MTHFD1L: variants seen among roughly 807,000 people sequenced by gnomAD.
MTHFD1L encodes the protein methylenetetrahydrofolate dehydrogenase (NADP+ dependent) 1 like.
A neutral mutation model predicts 119.5 loss-of-function variants in MTHFD1L; 81 were observed. The observed-to-expected ratio is 0.68, with a 90% CI of 0.57 to 0.82. The LOEUF (loss-of-function observed/expected upper bound fraction) is 0.82. MTHFD1L is among the 40% of genes least tolerant of loss of function. The pLI is 0.00. For synonymous variants in MTHFD1L, 430 were observed against 475.2 expected (o/e 0.90, Z 1.24); for missense variants, 1,125 against 1,253.4 (o/e 0.90, Z 1.55).
chr6:151,034,958 G>A (rs1397632156), intron 25 of MTHFD1L, among the ~76,000 whole-genome samples: 1 of 148,648 alleles, frequency 6.7e-6, no homozygotes, highest in Non-Finnish European at 1.5e-5. Flanking sequence ...GAATTGCAAT[G>A]CTTCCTCTTC....
intron 15 of MTHFD1L, among the ~76,000 whole-genome samples, chr6:150,947,316 A>T (rs1043198310): frequency 5.9e-5 from 9 of 151,366 alleles, no homozygotes; most frequent in African/African-American, 2.2e-4. Flanking sequence ...GCTGGTCTCG[A>T]ACTCCTGACC....
At chr6:150,964,328 C>T (rs1246106330) in intron 18 of MTHFD1L, among the ~76,000 whole-genome samples, 1 of 152,174 alleles carries the variant, frequency 6.6e-6, no homozygotes, top group Non-Finnish European at 1.5e-5. Flanking sequence ...TTAGAAGGAA[C>T]TCAACCCAGT....
intron 10 of MTHFD1L, 90 bp downstream of exon 10, chr6:150,922,392 C>T: frequency 1.0e-6 from 1 of 965,920 alleles, no homozygotes; most frequent in Non-Finnish European, 1.6e-6. Context: ...ACTCATGGTA[C>T]TGTGGTTTTG....
At chr6:150,900,526 C>T (rs1347396588) in intron 7 of MTHFD1L, among the ~76,000 whole-genome samples, 2 of 152,188 alleles carry the variant, frequency 1.3e-5, no homozygotes, top group Non-Finnish European at 2.9e-5. Context: ...TCCGCATGCT[C>T]CCAGGCCATT....
intron 26 of MTHFD1L, among the ~76,000 whole-genome samples, chr6:151,062,755 TG>T (rs1429564340): frequency 1.3e-5 from 2 of 152,192 alleles, no homozygotes; most frequent in Non-Finnish European, 2.9e-5. Flanking sequence ...ATGAAGTTGC[TG>T]CTACACATTT....
intron 20 of MTHFD1L, among the ~76,000 whole-genome samples, chr6:150,979,986 A>T (rs910265667): frequency 1.3e-5 from 2 of 152,180 alleles, no homozygotes; most frequent in African/African-American, 4.8e-5. Flanking sequence ...TTAAAAAAAA[A>T]AAAAAATCTG....
intron 8 of MTHFD1L, among the ~76,000 whole-genome samples, 169 bp from the exon 9 acceptor site, chr6:150,918,404 TGGAG>T (rs918099757): frequency 6.6e-6 from 1 of 152,186 alleles, no homozygotes; most frequent in African/African-American, 2.4e-5. Context: ...GCAGGCCCAA[TGGAG>T]GGCCCCAAGC....
At chr6:151,091,112 C>CAGCA (rs1340707841) in intron 26 of MTHFD1L, among the ~76,000 whole-genome samples, 3 of 147,556 alleles carry the variant, frequency 2.0e-5, no homozygotes, top group African/African-American at 7.9e-5. Context: ...CGACTGGGTA[C>CAGCA]AGCATCGTTC....
At chr6:151,071,838 T>TG (rs11435092) in intron 26 of MTHFD1L, among the ~76,000 whole-genome samples, 1 of 10,052 alleles carries the variant, frequency 9.9e-5, no homozygotes, top group African/African-American at 1.5e-4. Context: ...TAAGTACAGA[T>TG]TTTTTTTTTT....
intron 4 of MTHFD1L, among the ~76,000 whole-genome samples, chr6:150,880,091 A>G (rs1781158627): frequency 6.6e-6 from 1 of 152,090 alleles, no homozygotes; most frequent in Non-Finnish European, 1.5e-5. Flanking sequence ...AACGTTTATC[A>G]TTTCTTTGTG....
chr6:150,916,948 A>G (rs951841200), intron 8 of MTHFD1L, among the ~76,000 whole-genome samples: 5 of 150,344 alleles, frequency 3.3e-5, no homozygotes, highest in African/African-American at 1.2e-4. Context: ...TTTAGTAGAG[A>G]TGGGGTTTCT....
chr6:150,928,377 G>A (rs371535957), intron 11 of MTHFD1L, among the ~76,000 whole-genome samples: 5 of 148,790 alleles, frequency 3.4e-5, no homozygotes, highest in East Asian at 2.0e-4. Context: ...CGGAGCTTGC[G>A]GTGAGCCAAG....
Position 150,979,743 on chromosome 6 carries a change from A to G in MTHFD1L, c.2125+7685A>G, listed in dbSNP as rs181116271. Reference sequence around the variant, plus strand: ...TCAAATTCCTGACCTCAGGCGATCCACTCACCCCTGCCTCCCAAAGTGTAG... The same window carrying G: ...TCAAATTCCTGACCTCAGGCGATCCGCTCACCCCTGCCTCCCAAAGTGTAG... On this transcript the variant is annotated intron_variant, in intron 20 of 27. Transcript: ENST00000367321. 3.3e-3 allele frequency among the ~76,000 whole-genome samples: 502 copies of G among 151,702 alleles called. 5 individuals are homozygous for G. Among genetic ancestry groups the G allele is most frequent in the African/African-American group, 0.012 (476 of 41,356 alleles).
rs189800273 is a variant in MTHFD1L, at chr6:151,084,171, C to T, written c.2848-8296C>T. Reference sequence around the variant, plus strand: ...GAGTTGCCAGGGCACCAATTTATTACTTTGAAAATAGATAAATAAAAGAAT... The same window carrying T: ...GAGTTGCCAGGGCACCAATTTATTATTTTGAAAATAGATAAATAAAAGAAT... On this transcript the variant is annotated intron_variant, in intron 26 of 27. Coordinates refer to ENST00000367321, the MANE Select transcript of MTHFD1L (RefSeq NM_015440.5). Among the ~76,000 whole-genome samples, 11 of 152,258 alleles carry T rather than the reference C, an allele frequency of 7.2e-5. No individual in the cohort carries two copies. The East Asian group carries it at 1.9e-3, about 27-fold the overall frequency.
chr6:151,055,089 A>G (rs1202748221), intron 26 of MTHFD1L: 1 of 152,080 alleles, frequency 6.6e-6, no homozygotes, highest in Non-Finnish European at 1.5e-5. Context: ...AACGTGGTGA[A>G]ACCTCATTTC....
At chr6:151,093,880 G>A (rs1584459067) in intron 27 of MTHFD1L, among the ~76,000 whole-genome samples, 1 of 152,132 alleles carries the variant, frequency 6.6e-6, no homozygotes, top group African/African-American at 2.4e-5. Flanking sequence ...TGATGACTTC[G>A]GGTTTGCACA....
chr6:151,090,930 C>G (rs1485733883), intron 26 of MTHFD1L, among the ~76,000 whole-genome samples: 1 of 131,426 alleles, frequency 7.6e-6, no homozygotes, highest in Non-Finnish European at 1.6e-5. Context: ...TTCCATGCGA[C>G]TGGGTGCAGC....
chr6:150,866,395 G>T lies in MTHFD1L; in HGVS notation c.227+346G>T, dbSNP rs1167405797. 2.9e-6 allele frequency: 4 copies of T among 1,378,700 alleles called. No individual in the cohort carries two copies. The South Asian group carries it at 4.9e-5, about 17-fold the overall frequency. 85.4% of individuals were successfully genotyped at this position (1,378,700 alleles called of 1,614,324 possible). ...CCGGGCGCGACCCAGACGGTAAAGG[G>T]GCGGTGCGGCTGGGGCGGAAACCAG... On this transcript the variant is annotated intron_variant, in intron 1 of 27. Coordinates refer to ENST00000367321, the MANE Select transcript of MTHFD1L (RefSeq NM_015440.5).
intron 24 of MTHFD1L, among the ~76,000 whole-genome samples, chr6:151,031,869 A>G (rs1266792569): frequency 6.6e-6 from 1 of 152,176 alleles, no homozygotes; most frequent in East Asian, 1.9e-4. Flanking sequence ...GAGGCCTGGT[A>G]TGTGGTAGGA....
Sources: allele counts gnomAD v4.1 joint callset (sites outside exome capture counted in the v4.1 genomes callset), GRCh38; gene constraint gnomAD v4.1.1; transcripts MANE v1.5; gene names NCBI Gene and HGNC (gene_info 2026-07-23, HGNC 2026-07-21).